The following SEC24C variants were observed in gnomAD, a reference collection of about 807,000 sequenced individuals.
SEC24C encodes SEC24 homolog C, COPII component.
Under a neutral mutation model 117.0 loss-of-function variants are expected in SEC24C, and 22 were observed. That is an observed-to-expected ratio of 0.19 (90% CI 0.13 to 0.27). SEC24C has a LOEUF of 0.27. SEC24C is among the 10% of genes least tolerant of loss of function. The pLI is 1.00. For synonymous variants in SEC24C, 506 were observed against 529.4 expected (o/e 0.96, Z 0.61); for missense variants, 1,155 against 1,375.1 (o/e 0.84, Z 2.53).
chr10:73,762,478 A>G (rs2082812991), intron 6 of SEC24C, among the ~76,000 whole-genome samples: 1 of 152,122 alleles, frequency 6.6e-6, no homozygotes, highest in Non-Finnish European at 1.5e-5. Context: ...CCTGCAGGTG[A>G]TGTATGATGG....
rs2082957258 is a variant in SEC24C, at chr10:73,770,352, G to A, written c.2935G>A (p.Asp979Asn). The change falls in exon 21 of 23, where the codon GAT becomes AAT. Residue 979 changes from aspartate (D) to asparagine (N), a missense_variant. Physicochemically the swap from Asp to Asn is conservative, Grantham distance 23. Coordinates refer to ENST00000345254, the MANE Select transcript of SEC24C (RefSeq NM_198597.3). ...CTCTGAAGAGCGTCTAAGCAATGGG[G>A]ATATATATTTACTGGAGAATGGGCT... ...RASEERLSNGDIYLLENGLNL... is the reference protein window; with the variant it reads ...RASEERLSNGNIYLLENGLNL... The A allele has an allele frequency of 6.2e-7, 1 of 1,613,996 alleles. No individual in the cohort carries two copies.
At chr10:73,763,042 C>G (rs888741381) in intron 6 of SEC24C, among the ~76,000 whole-genome samples, 4 of 152,158 alleles carry the variant, frequency 2.6e-5, no homozygotes, top group Admixed American at 6.5e-5. Context: ...CAGGTAGATT[C>G]ATTTTTACGT....
intron 1 of SEC24C, among the ~76,000 whole-genome samples, chr10:73,745,574 C>T (rs569634848): frequency 4.0e-5 from 5 of 125,576 alleles, no homozygotes; most frequent in East Asian, 2.1e-4. Context: ...TTTGAAAGGG[C>T]GTCTTGCTCT....
rs1447862511 is a variant in SEC24C at position 73,757,113 on chromosome 10, C to T, written c.309-2509C>T. Among the ~76,000 whole-genome samples, 5 of 148,566 alleles carry T rather than the reference C, an allele frequency of 3.4e-5. No homozygotes were observed. The East Asian group carries it at 1.0e-3, about 30-fold the overall frequency. On this transcript the variant is annotated intron_variant, in intron 3 of 22. Coordinates refer to ENST00000345254, the MANE Select transcript of SEC24C (RefSeq NM_198597.3). ...TTTTTTAGTAGAGATGGAGTTTCAC[C>T]ATGTTGGTCAGGCTGGTCTTGAACT... is the stretch of plus-strand genomic sequence containing the variant.
chr10:73,771,182 A>G lies in SEC24C; in HGVS notation c.*87A>G. On this transcript the variant is annotated 3_prime_UTR_variant, in exon 23 of 23. Transcript: ENST00000345254. ...AGAAATTGGGACAGTAACATATCTT[A>G]TGTAAGCTGACCTCAGTCTCTCTGG... 6.8e-7 allele frequency: 1 copy of G among 1,472,694 alleles called. No homozygotes were observed. The highest frequency in any genetic ancestry group is 9.3e-7 in the Non-Finnish European group (1 of 1,080,780). The allele number at this position is 1,472,694 out of a possible 1,614,324, so 91.2% of individuals were successfully genotyped here.
At chr10:73,744,806 G>A (rs569672374) in intron 1 of SEC24C, among the ~76,000 whole-genome samples, 39 of 152,216 alleles carry the variant, frequency 2.6e-4, no homozygotes, top group African/African-American at 8.9e-4. Context: ...TAGGAAGCTT[G>A]CCCCGCCCCC....
At chr10:73,766,899 T>C (rs1274154718) in intron 13 of SEC24C, 46 bp downstream of exon 13, 1 of 1,552,546 alleles carries the variant, frequency 6.4e-7, no homozygotes, top group Non-Finnish European at 8.9e-7. Context: ...CATTTTCCTC[T>C]GACCATCTTA....
At chr10:73,745,666 C>T in intron 1 of SEC24C, among the ~76,000 whole-genome samples, 1 of 151,786 alleles carries the variant, frequency 6.6e-6, no homozygotes, top group East Asian at 2.0e-4. Context: ...TCTCCTGCCT[C>T]AGCCTCCCAA....
At chr10:73,762,994 C>T in intron 6 of SEC24C, among the ~76,000 whole-genome samples, 1 of 152,326 alleles carries the variant, frequency 6.6e-6, no homozygotes, top group South Asian at 2.1e-4. Context: ...TCTCTCCTCA[C>T]CCTGTCCCTT....
At chr10:73,754,193 TCACC>T (rs2082679842) in intron 3 of SEC24C, among the ~76,000 whole-genome samples, 1 of 152,162 alleles carries the variant, frequency 6.6e-6, no homozygotes, top group Admixed American at 6.5e-5. Context: ...GGTGGGTGGA[TCACC>T]TGAGGTAAGG....
intron 20 of SEC24C, 127 bp from the exon 21 acceptor site, chr10:73,770,153 G>C: frequency 8.1e-7 from 1 of 1,232,814 alleles, no homozygotes; most frequent in East Asian, 2.3e-5. Flanking sequence ...TTCACACTGA[G>C]AGAGTTACTG....
At chr10:73,762,130 C>G (rs2082806849) in intron 6 of SEC24C, 2 of 1,289,604 alleles carry the variant, frequency 1.6e-6, no homozygotes, top group Non-Finnish European at 1.0e-6. Context: ...AGCAGAAAAC[C>G]AGGCACAGAA....
rs774754126 is a variant in SEC24C, at chr10:73,769,167, G to A, written c.2424+15G>A. On this transcript the variant is annotated intron_variant, in intron 17 of 22. Coordinates refer to ENST00000345254, the MANE Select transcript of SEC24C (RefSeq NM_198597.3). This position sits in a 1 kb window ranked among gnomAD's most constrained non-coding sequence, Gnocchi z 4.5. ...CTCTCCTGCAGGTGGCAGGCGGGAG[G>A]CGGGGCTGGGCAGGAAGTGTTTCAT... 50 of 1,613,450 alleles carry A rather than the reference G, an allele frequency of 3.1e-5. No homozygotes were observed. In the East Asian group the frequency reaches 9.4e-4, roughly 30 times the overall value.
chr10:73,756,807 G>A (rs775440611), intron 3 of SEC24C, among the ~76,000 whole-genome samples: 6 of 151,642 alleles, frequency 4.0e-5, no homozygotes, highest in Non-Finnish European at 8.8e-5. Flanking sequence ...CACCATGTTG[G>A]CCAGGCTGGT....
In SEC24C at chr10:73,769,692, T is replaced by G. The variant is rs372331589; in HGVS notation, c.2641T>G (p.Cys881Gly). ...LITQCAQILA[C>G]YRKNCASPSS... ...CACCCAGTGTGCCCAGATCCTGGCC[T>G]GTTACAGAAAGAACTGTGCTAGCCC... Residue 881 changes from cysteine (C) to glycine (G), a missense_variant, in exon 19 of 23, where the codon TGT becomes GGT. Coordinates refer to ENST00000345254, the MANE Select transcript of SEC24C (RefSeq NM_198597.3). This position sits in a 1 kb window ranked among gnomAD's most constrained non-coding sequence, Gnocchi z 4.5. The G allele has an allele frequency of 8.7e-6, 14 of 1,614,110 alleles. No individual in the cohort carries two copies. The highest frequency in any genetic ancestry group is 3.4e-6 in the Non-Finnish European group (4 of 1,180,050).
In SEC24C at chr10:73,760,721, G is replaced by A. The variant is rs368086925; in HGVS notation, c.859G>A (p.Gly287Arg). The A allele has an allele frequency of 2.5e-5, 40 of 1,593,906 alleles. No individual in the cohort carries two copies. In the African/African-American group the frequency reaches 3.9e-4, roughly 16 times the overall value. ...GYQPQQNGSF[G>R]PARGPQSNYG... ...TTGTGTCCTTGTCTCAGGTTCCTTC[G>A]GACCAGCCCGGGGCCCTCAGTCTAA... Residue 287 changes from glycine (G) to arginine (R), a missense_variant, in exon 6 of 23, where the codon GGA (glycine) becomes AGA (arginine). Transcript: ENST00000345254.
Position 73,751,172 on chromosome 10 carries a change from C to G in SEC24C, c.237C>G (p.Gly79=), listed in dbSNP as rs770299033. 2 of 1,614,198 alleles carry G rather than the reference C, an allele frequency of 1.2e-6. No homozygotes were observed. The highest frequency in any genetic ancestry group is 2.7e-5 in the African/African-American group (2 of 75,064). ...PPASTAQAPC[G]QAAYGQFGQG... is the part of the protein sequence containing the mutation. The stretch of plus-strand genomic sequence containing the variant: ...CCTCAACAGCACAGGCTCCTTGTGG[C>G]CAGGCTGCATATGGCCAGTTTGGCC... Residue 79 remains glycine (G), a synonymous_variant, in exon 3 of 23, where the codon GGC becomes GGG. Transcript: ENST00000345254.
chr10:73,759,804 T>C lies in SEC24C; in HGVS notation c.481+10T>C, dbSNP rs750895812. 1 of 1,559,150 alleles carries C rather than the reference T, an allele frequency of 6.4e-7. No individual in the cohort carries two copies. The highest frequency in any genetic ancestry group is 8.6e-7 in the Non-Finnish European group (1 of 1,156,794). ...TCAGGGCTGGGCTTTGGTGAGTGGC[T>C]GTGAACACAGGAATGTTACTGTCCC... is the stretch of plus-strand genomic sequence containing the variant. On this transcript the variant is annotated intron_variant, in intron 4 of 22. Coordinates refer to ENST00000345254, the MANE Select transcript of SEC24C (RefSeq NM_198597.3).
intron 12 of SEC24C, 26 bp downstream of exon 12, chr10:73,766,567 G>C: frequency 6.3e-7 from 1 of 1,588,046 alleles, no homozygotes; most frequent in Non-Finnish European, 8.5e-7. Flanking sequence ...TGGAGGTAAA[G>C]GTTGGGGGTG....
Sources: allele counts gnomAD v4.1 joint callset (sites outside exome capture counted in the v4.1 genomes callset), GRCh38; gene constraint gnomAD v4.1.1; non-coding constraint Gnocchi (gnomAD v3.1); transcripts MANE v1.5; gene names NCBI Gene and HGNC (gene_info 2026-07-23, HGNC 2026-07-21).